Variants in MAGI1 observed in about 807,000 individuals in gnomAD.
MAGI1 encodes the protein membrane-associated guanylate kinase, WW and PDZ domain-containing protein 1.
A neutral mutation model predicts 139.9 loss-of-function variants in MAGI1; 58 were observed. That is an observed-to-expected ratio of 0.41 (90% CI 0.34 to 0.52). MAGI1 has a LOEUF of 0.52. MAGI1 is among the 20% of genes least tolerant of loss of function. The pLI, the probability that MAGI1 is intolerant of heterozygous loss-of-function variation, is 0.12. For missense variants in MAGI1, 1,874 were observed against 1,901.6 expected, an observed-to-expected ratio of 0.99 and a Z score of 0.27; for synonymous variants, 812 against 737.9, an observed-to-expected ratio of 1.10 and a Z score of -1.63.
At chr3:65,379,675 C>A in intron 16 of MAGI1, 121 bp from the exon 17 acceptor site, 1 of 1,463,052 alleles carries the variant, frequency 6.8e-7, no homozygotes, top group Non-Finnish European at 9.2e-7. Context: ...GAGGAGACAG[C>A]ACCTGGTTTC....
At chr3:65,746,303 G>A (rs1314419136) in intron 1 of MAGI1, among the ~76,000 whole-genome samples, 2 of 152,092 alleles carry the variant, frequency 1.3e-5, no homozygotes, top group African/African-American at 4.8e-5. Context: ...CAAAGTGCTG[G>A]GATTACAGGT....
chr3:65,670,592 G>A (rs1020872901), intron 1 of MAGI1, among the ~76,000 whole-genome samples: 2 of 152,090 alleles, frequency 1.3e-5, no homozygotes, highest in African/African-American at 4.8e-5. Flanking sequence ...GTCTTTACCT[G>A]CAATGAGTTT....
At chr3:65,990,525 C>T (rs2066116724) in intron 1 of MAGI1, among the ~76,000 whole-genome samples, 2 of 152,180 alleles carry the variant, frequency 1.3e-5, no homozygotes, top group African/African-American at 4.8e-5. Context: ...AAGATTCATT[C>T]TTCAGATTTC....
intron 1 of MAGI1, among the ~76,000 whole-genome samples, chr3:65,735,466 A>G (rs1270826701): frequency 6.6e-6 from 1 of 152,066 alleles, no homozygotes; most frequent in Non-Finnish European, 1.5e-5. Flanking sequence ...CAATAAGATG[A>G]GTGAGATCAG....
At chr3:65,950,094 C>A (rs13079735) in intron 1 of MAGI1, among the ~76,000 whole-genome samples, 26,782 of 47,060 alleles carry the variant, frequency 0.57, 5,680 homozygotes, top group Non-Finnish European at 0.62. Flanking sequence ...AAAAAACAAA[C>A]AAAAAAAAAA....
chr3:65,866,441 A>T (rs539691992), intron 1 of MAGI1, among the ~76,000 whole-genome samples: 6 of 152,016 alleles, frequency 3.9e-5, no homozygotes, highest in Non-Finnish European at 5.9e-5. Context: ...AGGAAAAGAA[A>T]ATCCTAGGCT....
intron 1 of MAGI1, among the ~76,000 whole-genome samples, chr3:65,733,619 A>C (rs2034414924): frequency 1.3e-5 from 2 of 152,250 alleles, no homozygotes; most frequent in South Asian, 4.1e-4. Flanking sequence ...CATCTGGTTT[A>C]TAGGGACAGA....
intron 1 of MAGI1, among the ~76,000 whole-genome samples, chr3:65,706,721 C>T (rs1032425481): frequency 1.3e-5 from 2 of 151,994 alleles, no homozygotes; most frequent in South Asian, 2.1e-4. Flanking sequence ...AATCTGACAG[C>T]ATTACTGACT....
At chr3:65,958,293 C>A (rs1461582917) in intron 1 of MAGI1, among the ~76,000 whole-genome samples, 1 of 152,204 alleles carries the variant, frequency 6.6e-6, no homozygotes, top group Non-Finnish European at 1.5e-5. Flanking sequence ...ATATTCTTAA[C>A]ATGCAGGAAC....
At chr3:65,901,207 G>A (rs981113471) in intron 1 of MAGI1, among the ~76,000 whole-genome samples, 9 of 152,082 alleles carry the variant, frequency 5.9e-5, no homozygotes, top group African/African-American at 2.2e-4. Context: ...CCAGAGACAA[G>A]GAAAAAATAA....
intron 2 of MAGI1, among the ~76,000 whole-genome samples, chr3:65,504,503 C>T (rs1392988940): frequency 1.3e-5 from 2 of 152,090 alleles, no homozygotes; most frequent in Non-Finnish European, 2.9e-5. Flanking sequence ...GGACTTGAAA[C>T]CAGGTTTTTG....
At chr3:65,772,769 TC>T (rs1467596902) in intron 1 of MAGI1, among the ~76,000 whole-genome samples, 3 of 152,200 alleles carry the variant, frequency 2.0e-5, no homozygotes, top group Non-Finnish European at 4.4e-5. Flanking sequence ...AAGACATGTT[TC>T]CAGGGACCTG....
chr3:65,792,502 TAC>T (rs2039852176), intron 1 of MAGI1, among the ~76,000 whole-genome samples: 2 of 138,272 alleles, frequency 1.4e-5, no homozygotes, highest in Admixed American at 8.1e-5. Flanking sequence ...TTTAAACTAA[TAC>T]AGTTTTTTAT....
intron 1 of MAGI1, among the ~76,000 whole-genome samples, chr3:65,682,407 G>A (rs1226944906): frequency 2.0e-5 from 3 of 152,206 alleles, no homozygotes; most frequent in Admixed American, 2.0e-4. Context: ...ACCCAGAAAT[G>A]TAGACCTAAA....
chr3:65,530,614 ATG>A (rs142085269), intron 2 of MAGI1, among the ~76,000 whole-genome samples: 5 of 133,838 alleles, frequency 3.7e-5, no homozygotes, highest in African/African-American at 1.2e-4. Flanking sequence ...ACACATACGT[ATG>A]TGTGTGTGGT....
At chr3:65,694,437 G>A (rs1014056510) in intron 1 of MAGI1, among the ~76,000 whole-genome samples, 1 of 138,428 alleles carries the variant, frequency 7.2e-6, no homozygotes, top group Non-Finnish European at 1.6e-5. Context: ...CGGGTAGTAA[G>A]TGCTAAAAAA....
chr3:65,576,687 C>T (rs941757880), intron 2 of MAGI1, among the ~76,000 whole-genome samples: 9 of 152,182 alleles, frequency 5.9e-5, no homozygotes, highest in Admixed American at 2.6e-4. Context: ...CAATTCAGAA[C>T]TCATACATTC....
At chr3:65,741,403 T>C (rs897804370) in intron 1 of MAGI1, among the ~76,000 whole-genome samples, 13 of 152,312 alleles carry the variant, frequency 8.5e-5, no homozygotes, top group African/African-American at 3.1e-4. Flanking sequence ...CTCAGTCTCC[T>C]GACCTCCTGA....
chr3:65,595,542 A>C (rs1025608522), intron 2 of MAGI1, among the ~76,000 whole-genome samples: 7 of 152,142 alleles, frequency 4.6e-5, no homozygotes, highest in Non-Finnish European at 1.0e-4. Context: ...GGGTGGTTTC[A>C]TATCAAACAC....
Sources: gnomAD v4.1 joint callset for allele counts (sites outside exome capture counted in the v4.1 genomes callset) on GRCh38, gnomAD v4.1.1 for gene constraint, MANE v1.5 for transcripts, NCBI Gene and HGNC (gene_info 2026-07-23, HGNC 2026-07-21) for gene names.